Variants in CSNK1A1 observed in about 807,000 individuals in gnomAD.
The protein encoded by CSNK1A1 is casein kinase 1 alpha 1, also known as casein kinase I isoform alpha.
In CSNK1A1, 7 loss-of-function variants were observed where a neutral mutation model predicts 46.1. The ratio of observed to expected loss-of-function variants is 0.15; its 90% confidence interval spans 0.09 to 0.29. CSNK1A1 has a LOEUF of 0.29. Among genes scored for constraint, CSNK1A1 ranks in the 10% least tolerant of loss-of-function variants. CSNK1A1 has a pLI of 1.00. For synonymous variants in CSNK1A1, 137 were observed against 141.5 expected (o/e 0.97, Z 0.23); for missense variants, 96 against 417.1 (o/e 0.23, Z 6.71).
rs1352034779 is a variant in CSNK1A1 at position 149,498,532 on chromosome 5, G to GA, written c.1007-1673dup. On this transcript the variant is annotated intron_variant, in intron 9 of 9. Transcript: ENST00000377843. ...GCTTCTTGTTTGGGAGTTTAAAAAA[G>GA]AAAAAAAGTACAATACAGGATAAGC... The GA allele has an allele frequency of 1.1e-5, 11 of 984,494 alleles. No homozygotes were observed. The African/African-American group carries it at 1.8e-4, about 16-fold the overall frequency. 61.0% of individuals were successfully genotyped at this position (984,494 alleles called of 1,614,324 possible).
In CSNK1A1 at chr5:149,496,811, C is replaced by A; in HGVS notation, c.*42G>T. The stretch of plus-strand genomic sequence containing the variant: ...TAGATTTGGGGAGAAACAAATGCTG[C>A]TCCGATCATCTGCTCTGCTTCTTCT... On this transcript the variant is annotated 3_prime_UTR_variant, in exon 10 of 10. Transcript: ENST00000377843. The A allele has an allele frequency of 6.4e-7, 1 of 1,555,458 alleles. No homozygotes were observed.
chr5:149,525,534 A>G lies in CSNK1A1; in HGVS notation c.231-363T>C, dbSNP rs1165734402. On this transcript the variant is annotated intron_variant, in intron 2 of 9. Coordinates refer to ENST00000377843, the MANE Select transcript of CSNK1A1 (RefSeq NM_001892.6). This position sits in a 1 kb window ranked among gnomAD's most constrained non-coding sequence, Gnocchi z 4.2. ...CTTTGTAACTGAAGAAATGAAGATG[A>G]CTCTATCAGTCATTCCAAAATGTTT... Among the ~76,000 whole-genome samples the G allele has an allele frequency of 2.6e-5, 4 of 152,088 alleles. No individual in the cohort carries two copies. The South Asian group carries it at 8.3e-4, about 32-fold the overall frequency.
At chr5:149,524,024 T>C (rs1279779756) in intron 3 of CSNK1A1, among the ~76,000 whole-genome samples, 1 of 152,192 alleles carries the variant, frequency 6.6e-6, no homozygotes. Flanking sequence ...CATTTTACTT[T>C]ATGACATTTA....
chr5:149,543,959 T>C (rs1055346951), intron 2 of CSNK1A1, among the ~76,000 whole-genome samples: 6 of 152,130 alleles, frequency 3.9e-5, no homozygotes, highest in Non-Finnish European at 7.4e-5. Context: ...GGAAGGCAAG[T>C]AGTAGACACA....
intron 2 of CSNK1A1, among the ~76,000 whole-genome samples, chr5:149,532,986 C>T (rs1761947679): frequency 6.6e-6 from 1 of 152,222 alleles, no homozygotes; most frequent in East Asian, 1.9e-4. Flanking sequence ...ATAACGTAGT[C>T]AACTAAGATG....
Position 149,495,728 on chromosome 5 carries a change from T to C in CSNK1A1, c.*1125A>G, listed in dbSNP as rs1469531782. ...GTTCTGGCAGTTGCAGTACTAGATATTGTGCCTGCAAGTCATAAAAAAAAA... is the reference window on the plus strand; with the variant it reads ...GTTCTGGCAGTTGCAGTACTAGATACTGTGCCTGCAAGTCATAAAAAAAAA... On this transcript the variant is annotated 3_prime_UTR_variant, in exon 10 of 10. Transcript: ENST00000377843. 2.7e-5 allele frequency: 4 copies of C among 148,798 alleles called. No homozygotes were observed. Among genetic ancestry groups the C allele is most frequent in the Non-Finnish European group, 5.9e-5 (4 of 67,452 alleles). 9.2% of individuals were successfully genotyped at this position (148,798 alleles called of 1,614,324 possible). A position where few individuals can be genotyped will look rare whatever the true frequency, so the allele number is the denominator to read the frequency against.
intron 4 of CSNK1A1, among the ~76,000 whole-genome samples, chr5:149,514,176 G>A (rs964095985): frequency 6.6e-6 from 1 of 152,248 alleles, no homozygotes; most frequent in East Asian, 1.9e-4. Flanking sequence ...CAGTTTAAGT[G>A]AGCTAACTAA....
intron 7 of CSNK1A1, among the ~76,000 whole-genome samples, 182 bp downstream of exon 7, chr5:149,509,696 GC>G (rs1168360912): frequency 2.5e-4 from 38 of 152,200 alleles, no homozygotes; most frequent in Admixed American, 9.2e-4. Flanking sequence ...GAGCCACTGT[GC>G]CCAGCCGGAT....
chr5:149,522,965 G>A (rs551050504), intron 3 of CSNK1A1, among the ~76,000 whole-genome samples: 2 of 151,818 alleles, frequency 1.3e-5, no homozygotes, highest in East Asian at 3.9e-4. Flanking sequence ...ATGCTTACGT[G>A]TTACTGAACA....
intron 8 of CSNK1A1, among the ~76,000 whole-genome samples, chr5:149,506,809 G>A (rs1237503669): frequency 6.6e-6 from 1 of 152,176 alleles, no homozygotes; most frequent in African/African-American, 2.4e-5. Flanking sequence ...TCTACTTTGA[G>A]TATGATTCAA....
intron 3 of CSNK1A1, among the ~76,000 whole-genome samples, chr5:149,521,538 C>G (rs753849908): frequency 3.3e-5 from 5 of 151,896 alleles, no homozygotes; most frequent in Non-Finnish European, 5.9e-5. Context: ...CCTCCTGCCT[C>G]GACCTCCCAA....
At position 149,517,325 on chromosome 5, in the gene CSNK1A1, G is replaced by T. The variant is rs775946805; in HGVS notation, c.456+2965C>A. 6.6e-6 allele frequency among the ~76,000 whole-genome samples: 1 copy of T among 151,620 alleles called. No homozygotes were observed. The highest frequency in any genetic ancestry group is 1.5e-5 in the Non-Finnish European group (1 of 67,876). ...TCTAGAAACACTAGATCTGAAATCT[G>T]ATCTACACTTACCTGAAGTTCCTTA... On this transcript the variant is annotated intron_variant, in intron 4 of 9. Coordinates refer to ENST00000377843, the MANE Select transcript of CSNK1A1 (RefSeq NM_001892.6). The surrounding 1 kb of genome is among the most constrained non-coding windows in gnomAD (Gnocchi z 4.4).
rs939478756 is a variant in CSNK1A1, at chr5:149,550,247, G to A, written c.124-66C>T. Reference sequence around the variant, plus strand: ...GGATTCAATGTCACTTAGGAAAGGAGGGAGACATTAGCAAAACTCCAAGTC... The same window carrying A: ...GGATTCAATGTCACTTAGGAAAGGAAGGAGACATTAGCAAAACTCCAAGTC... On this transcript the variant is annotated intron_variant, in intron 1 of 9. Transcript: ENST00000377843. This position sits in a 1 kb window ranked among gnomAD's most constrained non-coding sequence, Gnocchi z 4.3. The A allele has an allele frequency of 7.6e-6, 12 of 1,570,294 alleles. No homozygotes were observed. Among genetic ancestry groups the A allele is most frequent in the Non-Finnish European group, 1.0e-5 (12 of 1,158,502 alleles).
At chr5:149,543,774 G>C (rs906552027) in intron 2 of CSNK1A1, among the ~76,000 whole-genome samples, 3 of 152,120 alleles carry the variant, frequency 2.0e-5, no homozygotes, top group Non-Finnish European at 2.9e-5. Context: ...TGCAGTCCTA[G>C]CTACTCAGGA....
intron 9 of CSNK1A1, among the ~76,000 whole-genome samples, chr5:149,499,487 C>G (rs1440999822): frequency 6.6e-6 from 1 of 152,106 alleles, no homozygotes; most frequent in Non-Finnish European, 1.5e-5. Context: ...CTGGCCCAGA[C>G]GAGGTGGCTC....
At chr5:149,499,970 T>G (rs1417468660) in intron 9 of CSNK1A1, among the ~76,000 whole-genome samples, 2 of 79,596 alleles carry the variant, frequency 2.5e-5, no homozygotes, top group Admixed American at 2.0e-4. Context: ...TTTTTTTCTT[T>G]TTTTTTTTTT....
In CSNK1A1 at chr5:149,493,458, C is replaced by G. The variant is rs1295754098; in HGVS notation, c.*3395G>C. The G allele has an allele frequency of 2.7e-5, 4 of 148,682 alleles. No homozygotes were observed. Among genetic ancestry groups the G allele is most frequent in the Non-Finnish European group, 4.4e-5 (3 of 67,520 alleles). 9.2% of individuals were successfully genotyped at this position (148,682 alleles called of 1,614,324 possible). On this transcript the variant is annotated 3_prime_UTR_variant, in exon 10 of 10. Transcript: ENST00000377843. ...TTCTCCATCCCAGGAGCCATTATTA[C>G]TCTACTTTTGAGTATGTCCTCAAAA...
rs869143376 is a variant in CSNK1A1 at position 149,542,692 on chromosome 5, AT to A, written c.230+7382del. Among the ~76,000 whole-genome samples, 158 of 16,176 alleles carry A rather than the reference AT, an allele frequency of 9.8e-3. 6 individuals are homozygous for A. The highest frequency in any genetic ancestry group is 0.011 in the South Asian group (4 of 348). The allele number at this position is 16,176 out of a possible 152,430, so 10.6% of individuals were successfully genotyped here. A position where few individuals can be genotyped will look rare whatever the true frequency, so the allele number is the denominator to read the frequency against. On this transcript the variant is annotated intron_variant, in intron 2 of 9. Coordinates refer to ENST00000377843, the MANE Select transcript of CSNK1A1 (RefSeq NM_001892.6). ...TATATGTATATATATATATATATAT[AT>A]TTTTTTTTTTTTTTTTTTTTGAGAC...
intron 9 of CSNK1A1, chr5:149,498,847 A>C: frequency 1.0e-6 from 1 of 985,328 alleles, no homozygotes; most frequent in Non-Finnish European, 1.2e-6. Context: ...AATACAAGGA[A>C]ACTCTTGTGC....
Sources: allele counts gnomAD v4.1 joint callset (sites outside exome capture counted in the v4.1 genomes callset), GRCh38; gene constraint gnomAD v4.1.1; non-coding constraint Gnocchi (gnomAD v3.1); transcripts MANE v1.5; gene names NCBI Gene and HGNC (gene_info 2026-07-23, HGNC 2026-07-21).